Variants in FBXL4 observed in about 807,000 individuals in gnomAD.
FBXL4 encodes the protein F-box/LRR-repeat protein 4.
In FBXL4, 40 loss-of-function variants were observed where a neutral mutation model predicts 58.9. The observed-to-expected ratio is 0.68, with a 90% CI of 0.53 to 0.88. The LOEUF (loss-of-function observed/expected upper bound fraction) is 0.88. FBXL4 is among the 40% of genes least tolerant of loss of function. The pLI, the probability that FBXL4 is intolerant of heterozygous loss-of-function variation, is 0.00. For missense variants in FBXL4, 676 were observed against 734.4 expected (o/e 0.92, Z 0.92); for synonymous variants, 263 against 265.5 (o/e 0.99, Z 0.09).
chr6:98,927,852 T>C (rs777734714), intron 2 of FBXL4, 30 bp from the exon 3 acceptor site: 7 of 152,230 alleles, frequency 4.6e-5, no homozygotes, highest in African/African-American at 7.2e-5. Flanking sequence ...GAAAATATTT[T>C]TATGTCCAAG....
rs1294214829 is a variant in FBXL4, at chr6:98,883,111, T to C, written c.1318-2487A>G. Among the ~76,000 whole-genome samples, 3 of 152,134 alleles carry C rather than the reference T, an allele frequency of 2.0e-5. No homozygotes were observed. The East Asian group carries it at 5.8e-4, about 29-fold the overall frequency. On this transcript the variant is annotated intron_variant, in intron 7 of 9. Transcript: ENST00000369244. Reference sequence around the variant, plus strand: ...TTTACCAACATACGTAGACTTTTCATCCTTTTTAATATCTGCCTGTCTCAT... The same window carrying C: ...TTTACCAACATACGTAGACTTTTCACCCTTTTTAATATCTGCCTGTCTCAT...
intron 6 of FBXL4, 151 bp from the exon 7 acceptor site, chr6:98,899,632 A>T: frequency 1.1e-6 from 1 of 901,012 alleles, no homozygotes; most frequent in Non-Finnish European, 1.6e-6. Context: ...ATTCTTATTC[A>T]CTGCATACTG....
At chr6:98,917,113 T>C (rs1772389942) in intron 5 of FBXL4, among the ~76,000 whole-genome samples, 1 of 152,178 alleles carries the variant, frequency 6.6e-6, no homozygotes, top group Non-Finnish European at 1.5e-5. Context: ...CTGGTTTTTG[T>C]ATTTGGTTAT....
chr6:98,893,091 A>G (rs1400721187), intron 7 of FBXL4, among the ~76,000 whole-genome samples: 1 of 150,406 alleles, frequency 6.6e-6, no homozygotes, highest in Non-Finnish European at 1.5e-5. Context: ...CTGACTCCAG[A>G]TTTTTTTTTT....
Position 98,926,902 on chromosome 6 carries a change from T to C in FBXL4, c.87A>G (p.Gly29=), listed in dbSNP as rs749539741. The C allele has an allele frequency of 6.2e-7, 1 of 1,614,208 alleles. No individual in the cohort carries two copies. The highest frequency in any genetic ancestry group is 8.5e-7 in the Non-Finnish European group (1 of 1,180,030). ...LRRRARTATR[G]EMMNTHRAIE... is the part of the protein sequence containing the mutation. ...TAGCTCTATGGGTGTTCATCATTTC[T>C]CCTCTTGTAGCTGTCCTGGCTCGGC... Residue 29 remains glycine, a synonymous_variant, in exon 4 of 10, where the codon GGA becomes GGG. Transcript: ENST00000369244.
Position 98,875,454 on chromosome 6 carries a change from C to T in FBXL4, c.1663G>A (p.Ala555Thr), listed in dbSNP as rs1464738522. ...TGCTGTAACCTGGTACAATTACATG[C>T]CAATTCATCAATGTCTGTGTCACAC... is the stretch of plus-strand genomic sequence containing the variant. ...SVCDTDIDEL[A>T]CNCTRLQQLD... The change falls in exon 9 of 10, where the codon GCA (alanine) becomes ACA (threonine). Residue 555 changes from alanine to threonine, a missense_variant. Ala to Thr is a moderately conservative substitution (Grantham distance 58, BLOSUM62 0). Transcript: ENST00000369244. The T allele has an allele frequency of 6.2e-7, 1 of 1,613,944 alleles. No homozygotes were observed. The highest frequency in any genetic ancestry group is 1.3e-5 in the African/African-American group (1 of 74,912).
chr6:98,884,658 A>G (rs1582373711), intron 7 of FBXL4, among the ~76,000 whole-genome samples: 1 of 152,118 alleles, frequency 6.6e-6, no homozygotes, highest in African/African-American at 2.4e-5. Flanking sequence ...TTACATCACA[A>G]TCTGTCTAAA....
chr6:98,910,656 CGAAAAAAAAAA>C (rs1772007505), intron 5 of FBXL4, among the ~76,000 whole-genome samples: 1 of 145,270 alleles, frequency 6.9e-6, no homozygotes, highest in South Asian at 2.2e-4. Context: ...GACTCCATCT[CGAAAAAAAAAA>C]GAAAAAAAAA....
intron 1 of FBXL4, among the ~76,000 whole-genome samples, chr6:98,944,802 C>T (rs1773560307): frequency 6.6e-6 from 1 of 152,142 alleles, no homozygotes; most frequent in South Asian, 2.1e-4. Flanking sequence ...CTAAGGACTC[C>T]TCTCCTGTAA....
At chr6:98,934,950 T>G (rs1436848191) in intron 1 of FBXL4, 71 bp from the exon 2 acceptor site, 1 of 152,130 alleles carries the variant, frequency 6.6e-6, no homozygotes, top group East Asian at 1.9e-4. Flanking sequence ...TCAAGGTAGA[T>G]CTCAAAAATG....
At chr6:98,889,496 C>A (rs1771149942) in intron 7 of FBXL4, among the ~76,000 whole-genome samples, 2 of 151,916 alleles carry the variant, frequency 1.3e-5, no homozygotes, top group South Asian at 4.2e-4. Context: ...AGCCTGGGAA[C>A]ATGGCAAAAC....
chr6:98,908,801 C>A (rs951065031), intron 5 of FBXL4, among the ~76,000 whole-genome samples: 8 of 152,000 alleles, frequency 5.3e-5, no homozygotes, highest in African/African-American at 1.9e-4. Context: ...ATCCTCTTGA[C>A]CTGTTCCTGG....
At chr6:98,914,140 C>A (rs779570787) in intron 5 of FBXL4, among the ~76,000 whole-genome samples, 1 of 152,168 alleles carries the variant, frequency 6.6e-6, no homozygotes, top group African/African-American at 2.4e-5. Flanking sequence ...TCTGAATAGA[C>A]CAATAACAGG....
chr6:98,897,505 TCA>T (rs1303215867), intron 7 of FBXL4: 1 of 266,226 alleles, frequency 3.8e-6, no homozygotes, highest in African/African-American at 2.3e-5. Flanking sequence ...CCCTGCCAGG[TCA>T]CCTGTTGAAG....
intron 2 of FBXL4, among the ~76,000 whole-genome samples, chr6:98,930,036 G>A (rs1018749149): frequency 3.3e-5 from 5 of 152,138 alleles, no homozygotes; most frequent in African/African-American, 1.2e-4. Flanking sequence ...GACCTGGTAA[G>A]AGCAAATGTG....
At chr6:98,906,602 T>C (rs1349726711) in intron 5 of FBXL4, among the ~76,000 whole-genome samples, 1 of 152,202 alleles carries the variant, frequency 6.6e-6, no homozygotes, top group Non-Finnish European at 1.5e-5. Flanking sequence ...TCCAAGTCTT[T>C]GCTACTGTGA....
At chr6:98,939,391 C>G (rs964588072) in intron 1 of FBXL4, among the ~76,000 whole-genome samples, 1 of 152,124 alleles carries the variant, frequency 6.6e-6, no homozygotes, top group Non-Finnish European at 1.5e-5. Flanking sequence ...TTGCTTTAAG[C>G]TGTCATACAT....
intron 7 of FBXL4, 73 bp downstream of exon 7, chr6:98,899,195 G>A: frequency 6.3e-7 from 1 of 1,578,814 alleles, no homozygotes; most frequent in African/African-American, 1.4e-5. Context: ...ACATTATTAT[G>A]AGCAATTACA....
At chr6:98,913,798 C>T (rs548469554) in intron 5 of FBXL4, among the ~76,000 whole-genome samples, 7 of 151,992 alleles carry the variant, frequency 4.6e-5, no homozygotes, top group Admixed American at 3.3e-4. Flanking sequence ...TAGCAGAAGG[C>T]AAGACATAAC....
Sources: gnomAD v4.1 joint callset for allele counts (sites outside exome capture counted in the v4.1 genomes callset) on GRCh38, gnomAD v4.1.1 for gene constraint, MANE v1.5 for transcripts, NCBI Gene and HGNC (gene_info 2026-07-23, HGNC 2026-07-21) for gene names.